CADM2: variants seen among roughly 807,000 people sequenced by gnomAD.
CADM2 encodes the protein cell adhesion molecule 2.
In CADM2, 12 loss-of-function variants were observed where a neutral mutation model predicts 49.8. The ratio of observed to expected loss-of-function variants is 0.24; its 90% CI spans 0.15 to 0.39. CADM2 has a LOEUF of 0.39. CADM2 is among the 10% of genes least tolerant of loss of function. CADM2 has a pLI of 1.00. For synonymous variants in CADM2, 214 were observed against 175.4 expected (o/e 1.22, Z -1.74); for missense variants, 378 against 492.3 (o/e 0.77, Z 2.20).
At chr3:85,586,947 G>A (rs548262829) in intron 1 of CADM2, among the ~76,000 whole-genome samples, 1 of 152,198 alleles carries the variant, frequency 6.6e-6, no homozygotes, top group African/African-American at 2.4e-5. Context: ...ATGAGGGGTA[G>A]CATGCTTGCC....
Position 85,440,622 on chromosome 3 carries a change from A to C in CADM2, c.62-285900A>C, listed in dbSNP as rs985126862. Among the ~76,000 whole-genome samples, 5 of 152,168 alleles carry C rather than the reference A, an allele frequency of 3.3e-5. 1 individual carries two copies. Among genetic ancestry groups the C allele is most frequent in the Non-Finnish European group, 7.3e-5 (5 of 68,040 alleles). Reference sequence around the variant, plus strand: ...CTTGTCTAACACCTGTGATGATAATATAAGCATTTGGTTTGCTTATGGGGG... The same window carrying C: ...CTTGTCTAACACCTGTGATGATAATCTAAGCATTTGGTTTGCTTATGGGGG... On this transcript the variant is annotated intron_variant, in intron 1 of 9. Coordinates refer to ENST00000383699, the MANE Select transcript of CADM2 (RefSeq NM_001167675.2).
chr3:85,106,585 C>T (rs1401824780), intron 1 of CADM2, among the ~76,000 whole-genome samples: 1 of 152,116 alleles, frequency 6.6e-6, no homozygotes, highest in Non-Finnish European at 1.5e-5. Context: ...ATTAATAAGG[C>T]ACAAGCTCCT....
chr3:85,199,807 C>T (rs920380811), intron 1 of CADM2, among the ~76,000 whole-genome samples: 1 of 151,670 alleles, frequency 6.6e-6, no homozygotes, highest in African/African-American at 2.4e-5. Context: ...TTAAAAAGTC[C>T]GAGTTAAAAA....
At chr3:85,061,159 G>A (rs2036296104) in intron 1 of CADM2, among the ~76,000 whole-genome samples, 1 of 152,058 alleles carries the variant, frequency 6.6e-6, no homozygotes, top group African/African-American at 2.4e-5. Flanking sequence ...AAAAGAGGTA[G>A]TTTCTATTGA....
chr3:85,887,667 G>T (rs542476472), intron 5 of CADM2, among the ~76,000 whole-genome samples: 18 of 152,174 alleles, frequency 1.2e-4, no homozygotes, highest in African/African-American at 4.3e-4. Context: ...CAAGTCCCAA[G>T]ACACAAGTTA....
At chr3:85,810,549 T>TTTTTTTTTTTG (rs2072798675) in intron 3 of CADM2, among the ~76,000 whole-genome samples, 1 of 140,358 alleles carries the variant, frequency 7.1e-6, no homozygotes. Flanking sequence ...TTTTTTTTTT[T>TTTTTTTTTTTG]TTTTTTTGGA....
chr3:85,986,427 G>A (rs1728118802), intron 8 of CADM2, among the ~76,000 whole-genome samples: 1 of 146,516 alleles, frequency 6.8e-6, no homozygotes, highest in Non-Finnish European at 1.5e-5. Flanking sequence ...TTGTTTATGA[G>A]ATTCTATTAT....
chr3:85,160,896 A>T (rs1372067686), intron 1 of CADM2, among the ~76,000 whole-genome samples: 1 of 152,192 alleles, frequency 6.6e-6, no homozygotes, highest in Non-Finnish European at 1.5e-5. Flanking sequence ...TTATTGAATC[A>T]TTTGTACCAA....
At chr3:85,632,328 A>G (rs1226633485) in intron 1 of CADM2, among the ~76,000 whole-genome samples, 8 of 152,118 alleles carry the variant, frequency 5.3e-5, no homozygotes, top group Admixed American at 5.2e-4. Context: ...TGAGTTCTCC[A>G]TTAGACCTCT....
intron 1 of CADM2, among the ~76,000 whole-genome samples, chr3:84,976,393 T>C (rs1363125173): frequency 6.7e-6 from 1 of 150,308 alleles, no homozygotes; most frequent in African/African-American, 2.4e-5. Flanking sequence ...TTTTCAAATA[T>C]GTCATACTTT....
rs545174821 is a variant in CADM2 at position 85,893,412 on chromosome 3, G to A, written c.529+7085G>A. On this transcript the variant is annotated intron_variant, in intron 5 of 9. Transcript: ENST00000383699. The stretch of plus-strand genomic sequence containing the variant: ...AAAACCCTAGAAGAAAACCTAGGCA[G>A]TACCATTCTGGACATAGGCATGGGC... Among the ~76,000 whole-genome samples, 4 of 152,232 alleles carry A rather than the reference G, an allele frequency of 2.6e-5. No homozygotes were observed. In the South Asian group the frequency reaches 6.2e-4, roughly 24 times the overall value.
intron 3 of CADM2, among the ~76,000 whole-genome samples, chr3:85,817,185 G>T (rs2122042): frequency 0.2 from 29,734 of 152,066 alleles, 3,174 homozygotes; most frequent in African/African-American, 0.22. Context: ...TAAGAATCAA[G>T]TCTCCTGGTT....
intron 1 of CADM2, among the ~76,000 whole-genome samples, chr3:85,607,521 C>G (rs752838847): frequency 1.3e-5 from 2 of 152,190 alleles, no homozygotes; most frequent in African/African-American, 4.8e-5. Context: ...TTAGAATGTT[C>G]CTAACAGAAA....
At chr3:85,689,978 G>A (rs138965715) in intron 1 of CADM2, among the ~76,000 whole-genome samples, 234 of 152,274 alleles carry the variant, frequency 1.5e-3, no homozygotes, top group East Asian at 0.015. Flanking sequence ...TTTGGATACC[G>A]ACTGTATCTG....
intron 8 of CADM2, among the ~76,000 whole-genome samples, chr3:86,049,424 G>A (rs1196845600): frequency 3.3e-5 from 5 of 151,650 alleles, no homozygotes; most frequent in African/African-American, 4.8e-5. Flanking sequence ...ACAGGCACCC[G>A]CCACCACGCC....
intron 7 of CADM2, among the ~76,000 whole-genome samples, chr3:85,949,706 T>G (rs1451358022): frequency 6.6e-5 from 10 of 151,240 alleles, no homozygotes; most frequent in Non-Finnish European, 1.0e-4. Context: ...TTACTATTAT[T>G]TTCTGAAGAT....
At chr3:85,779,610 G>C (rs1382797219) in intron 2 of CADM2, among the ~76,000 whole-genome samples, 1 of 152,002 alleles carries the variant, frequency 6.6e-6, no homozygotes, top group Admixed American at 6.6e-5. Context: ...GGGCAGCATG[G>C]GGGTAACCAA....
chr3:85,372,278 T>C (rs1292479292), intron 1 of CADM2, among the ~76,000 whole-genome samples: 1 of 151,728 alleles, frequency 6.6e-6, no homozygotes, highest in African/African-American at 2.4e-5. Context: ...ATCAGAAGGA[T>C]TAAGAGAATA....
At chr3:85,658,673 A>G (rs188267167) in intron 1 of CADM2, among the ~76,000 whole-genome samples, 224 of 143,398 alleles carry the variant, frequency 1.6e-3, no homozygotes, top group Non-Finnish European at 2.8e-3. Context: ...ATCTTTCTGA[A>G]ATTTCCAGTA....
Sources: allele counts gnomAD v4.1 joint callset (sites outside exome capture counted in the v4.1 genomes callset), GRCh38; gene constraint gnomAD v4.1.1; transcripts MANE v1.5; gene names NCBI Gene and HGNC (gene_info 2026-07-23, HGNC 2026-07-21).